NEGR1: variants seen among roughly 807,000 people sequenced by gnomAD.
The protein encoded by NEGR1 is neuronal growth regulator 1, also known as IgLON family member 4.
A neutral mutation model predicts 40.9 loss-of-function variants in NEGR1; 10 were observed. The observed-to-expected ratio is 0.24, with a 90% CI of 0.15 to 0.42. The LOEUF is 0.42. NEGR1 is among the 10% of genes least tolerant of loss of function. NEGR1 has a pLI of 1.00. For synonymous variants in NEGR1, 185 were observed against 166.8 expected, an observed-to-expected ratio of 1.11 and a Z score of -0.84; for missense variants, 352 against 438.9, an observed-to-expected ratio of 0.80 and a Z score of 1.77.
chr1:72,227,671 T>C (rs1213926875), intron 1 of NEGR1, among the ~76,000 whole-genome samples: 1 of 152,086 alleles, frequency 6.6e-6, no homozygotes, highest in Non-Finnish European at 1.5e-5. Flanking sequence ...GCAGGGTTTT[T>C]CCCTTCTGAA....
At chr1:71,633,966 A>G (rs1419956617) in intron 4 of NEGR1, among the ~76,000 whole-genome samples, 1 of 152,112 alleles carries the variant, frequency 6.6e-6, no homozygotes, top group Non-Finnish European at 1.5e-5. Context: ...GAGACTTATA[A>G]ACAAGGAGTG....
At position 71,504,592 on chromosome 1, in the gene NEGR1, A is replaced by AG. The variant is rs967981343; in HGVS notation, c.940+88224dup. 5.3e-5 allele frequency among the ~76,000 whole-genome samples: 8 copies of AG among 152,314 alleles called. No individual in the cohort carries two copies. In the South Asian group the frequency reaches 1.2e-3, roughly 24 times the overall value. ...CTAGGGGCTTCAGGGGTTCCTTCTG[A>AG]GTAGGTCCCACCAGGACTTTTAATA... is the stretch of plus-strand genomic sequence containing the variant. On this transcript the variant is annotated intron_variant, in intron 6 of 6. Coordinates refer to ENST00000357731, the MANE Select transcript of NEGR1 (RefSeq NM_173808.3).
intron 1 of NEGR1, among the ~76,000 whole-genome samples, chr1:72,089,860 A>G (rs1442875183): frequency 6.6e-6 from 1 of 152,148 alleles, no homozygotes; most frequent in African/African-American, 2.4e-5. Flanking sequence ...TGAGATAAGA[A>G]ATACTGAGTC....
At chr1:71,504,038 G>A (rs1283795086) in intron 6 of NEGR1, among the ~76,000 whole-genome samples, 3 of 148,736 alleles carry the variant, frequency 2.0e-5, no homozygotes, top group African/African-American at 5.0e-5. Context: ...TGTCTCAGAG[G>A]CATTCGAGAT....
chr1:72,259,521 T>TA (rs1557602246), intron 1 of NEGR1, among the ~76,000 whole-genome samples: 1 of 152,096 alleles, frequency 6.6e-6, no homozygotes, highest in Non-Finnish European at 1.5e-5. Flanking sequence ...TAAATTATGA[T>TA]AGTGGTTTTT....
intron 3 of NEGR1, among the ~76,000 whole-genome samples, chr1:71,755,844 T>A (rs1655714736): frequency 6.6e-6 from 1 of 152,202 alleles, no homozygotes; most frequent in Admixed American, 6.6e-5. Context: ...ATACTTAAAT[T>A]CTGGCACAAA....
chr1:71,686,640 A>C (rs1653049211), intron 4 of NEGR1, among the ~76,000 whole-genome samples: 1 of 152,170 alleles, frequency 6.6e-6, no homozygotes, highest in South Asian at 2.1e-4. Flanking sequence ...AGGCTAGACA[A>C]TGTAGTCCAA....
Position 71,576,043 on chromosome 1 carries a change from T to C in NEGR1, c.940+16774A>G, listed in dbSNP as rs571808604. 2.0e-5 allele frequency among the ~76,000 whole-genome samples: 3 copies of C among 152,238 alleles called. No individual in the cohort carries two copies. The South Asian group carries it at 6.2e-4, about 32-fold the overall frequency. On this transcript the variant is annotated intron_variant, in intron 6 of 6. Transcript: ENST00000357731. ...TCAGCCCCAGTGCTTTCTTGATATG[T>C]AGTCATGGAGCATAGTGTCCAAGAA... is the stretch of plus-strand genomic sequence containing the variant.
chr1:71,427,893 A>G (rs998908624), intron 6 of NEGR1, among the ~76,000 whole-genome samples: 5 of 152,194 alleles, frequency 3.3e-5, no homozygotes, highest in Admixed American at 2.0e-4. Flanking sequence ...TGAGCCATAC[A>G]AAGAGAATGA....
At chr1:72,083,828 C>T (rs993609602) in intron 1 of NEGR1, among the ~76,000 whole-genome samples, 5 of 152,066 alleles carry the variant, frequency 3.3e-5, no homozygotes, top group Non-Finnish European at 7.4e-5. Context: ...TGGATAGCCT[C>T]TCCACTATCA....
At chr1:71,888,137 T>C in intron 2 of NEGR1, among the ~76,000 whole-genome samples, 1 of 152,172 alleles carries the variant, frequency 6.6e-6, no homozygotes, top group Admixed American at 6.5e-5. Context: ...TAGATGACTC[T>C]ATTTTATTTT....
At chr1:71,780,231 A>T (rs1258894455) in intron 2 of NEGR1, among the ~76,000 whole-genome samples, 1 of 152,204 alleles carries the variant, frequency 6.6e-6, no homozygotes, top group African/African-American at 2.4e-5. Flanking sequence ...AAGCCATTAA[A>T]TAACTACAGA....
intron 2 of NEGR1, among the ~76,000 whole-genome samples, chr1:71,902,963 C>A (rs750189395): frequency 6.6e-6 from 1 of 151,692 alleles, no homozygotes; most frequent in East Asian, 1.9e-4. Context: ...TTGAAAAAAA[C>A]ATGAGACTAG....
chr1:71,596,830 A>T (rs944503376), intron 5 of NEGR1, among the ~76,000 whole-genome samples: 1 of 152,214 alleles, frequency 6.6e-6, no homozygotes, highest in African/African-American at 2.4e-5. Flanking sequence ...GGACATATAT[A>T]TTAAGAAGTA....
chr1:71,694,173 A>C (rs1032278026), intron 4 of NEGR1, among the ~76,000 whole-genome samples: 1 of 151,716 alleles, frequency 6.6e-6, no homozygotes, highest in Admixed American at 6.6e-5. Context: ...AATGCAAATA[A>C]AATGGGGAAT....
chr1:71,790,145 G>T (rs1657062526), intron 2 of NEGR1, among the ~76,000 whole-genome samples: 2 of 152,062 alleles, frequency 1.3e-5, no homozygotes, highest in Admixed American at 6.6e-5. Flanking sequence ...TTTGACAATT[G>T]TTGACAGTTT....
chr1:71,812,909 A>G (rs1473077615), intron 2 of NEGR1, among the ~76,000 whole-genome samples: 2 of 151,874 alleles, frequency 1.3e-5, no homozygotes, highest in Non-Finnish European at 2.9e-5. Context: ...GTTTAATTAG[A>G]TCCCACTTGC....
At chr1:71,480,849 A>T (rs74910321) in intron 6 of NEGR1, among the ~76,000 whole-genome samples, 1,741 of 152,010 alleles carry the variant, frequency 0.011, 32 homozygotes, top group African/African-American at 0.04. Flanking sequence ...AGGAATACTT[A>T]TTCCTAGTAT....
intron 1 of NEGR1, among the ~76,000 whole-genome samples, chr1:71,987,188 TC>T (rs1646402536): frequency 6.6e-6 from 1 of 152,182 alleles, no homozygotes; most frequent in Admixed American, 6.5e-5. Context: ...TCCAATTCCC[TC>T]CCAGAATTGC....
Sources: allele counts gnomAD v4.1 joint callset (sites outside exome capture counted in the v4.1 genomes callset), GRCh38; gene constraint gnomAD v4.1.1; transcripts MANE v1.5; gene names NCBI Gene and HGNC (gene_info 2026-07-23, HGNC 2026-07-21).